Variants in TBC1D5 observed in about 807,000 individuals in gnomAD.
TBC1D5 encodes the protein TBC1 domain family, member 5.
A neutral mutation model predicts 100.3 loss-of-function variants in TBC1D5; 75 were observed. The ratio of observed to expected loss-of-function variants is 0.75; its 90% CI spans 0.62 to 0.91. The LOEUF (loss-of-function observed/expected upper bound fraction) is 0.91. Among genes scored for constraint, TBC1D5 ranks in the 40% least tolerant of loss-of-function variants. The pLI is 0.00. For synonymous variants in TBC1D5, 323 were observed against 325.6 expected (o/e 0.99, Z 0.09); for missense variants, 910 against 942.4 (o/e 0.97, Z 0.45).
intron 8 of TBC1D5, among the ~76,000 whole-genome samples, chr3:17,389,450 A>C (rs989101980): frequency 2.0e-5 from 3 of 152,136 alleles, no homozygotes; most frequent in African/African-American, 7.2e-5. Context: ...GTGGTGGTGG[A>C]ACACAGCTTC....
chr3:17,649,340 G>A (rs1046613682), intron 1 of TBC1D5, among the ~76,000 whole-genome samples: 2 of 151,976 alleles, frequency 1.3e-5, no homozygotes, highest in Non-Finnish European at 2.9e-5. Flanking sequence ...CTGAGATGAG[G>A]GAGACGAGCA....
At chr3:17,300,248 A>C (rs1039935805) in intron 14 of TBC1D5, among the ~76,000 whole-genome samples, 10 of 152,358 alleles carry the variant, frequency 6.6e-5, no homozygotes, top group Admixed American at 6.5e-5. Context: ...GTAGTCAGGA[A>C]GTGCTTAAAC....
intron 1 of TBC1D5, among the ~76,000 whole-genome samples, chr3:17,676,186 T>C (rs1312716455): frequency 6.6e-6 from 1 of 152,140 alleles, no homozygotes; most frequent in Non-Finnish European, 1.5e-5. Context: ...TGAAATAGGA[T>C]TAAAATAAGA....
intron 13 of TBC1D5, among the ~76,000 whole-genome samples, chr3:17,366,303 CA>C (rs1188688097): frequency 2.8e-5 from 4 of 144,450 alleles, no homozygotes; most frequent in Admixed American, 6.9e-5. Flanking sequence ...AACAAACAAA[CA>C]AAAAAAAACA....
At chr3:17,373,261 A>C (rs11708391) in intron 12 of TBC1D5, among the ~76,000 whole-genome samples, 77,242 of 151,968 alleles carry the variant, frequency 0.51, 21,358 homozygotes, top group African/African-American at 0.71. Flanking sequence ...ACATCGATTA[A>C]CTATTTCATT....
intron 15 of TBC1D5, among the ~76,000 whole-genome samples, chr3:17,282,460 G>C (rs1435825233): frequency 6.6e-6 from 1 of 152,150 alleles, no homozygotes; most frequent in Admixed American, 6.5e-5. Context: ...ATTATTCTTT[G>C]CTTACTGGGA....
chr3:17,336,289 G>GT (rs1358702660), intron 13 of TBC1D5, among the ~76,000 whole-genome samples: 1 of 152,050 alleles, frequency 6.6e-6, no homozygotes, highest in Non-Finnish European at 1.5e-5. Context: ...AGGGAAGAAT[G>GT]TAGAAACTGG....
chr3:17,372,700 A>G (rs1248983772), intron 12 of TBC1D5, among the ~76,000 whole-genome samples: 1 of 152,206 alleles, frequency 6.6e-6, no homozygotes, highest in African/African-American at 2.4e-5. Context: ...CAGTGTTTAA[A>G]TGTGTTCAAA....
intron 13 of TBC1D5, among the ~76,000 whole-genome samples, chr3:17,364,596 T>C (rs750497937): frequency 3.9e-5 from 6 of 152,218 alleles, no homozygotes; most frequent in Non-Finnish European, 7.4e-5. Context: ...TCATTTATTT[T>C]AGCTGCCTCT....
At chr3:17,230,397 G>A (rs2075312052) in intron 17 of TBC1D5, among the ~76,000 whole-genome samples, 1 of 151,892 alleles carries the variant, frequency 6.6e-6, no homozygotes, top group South Asian at 2.1e-4. Context: ...TTTTTCTCCT[G>A]GAAGAAATCA....
intron 4 of TBC1D5, among the ~76,000 whole-genome samples, chr3:17,424,733 A>C (rs539167223): frequency 6.6e-6 from 1 of 152,298 alleles, no homozygotes; most frequent in East Asian, 1.9e-4. Context: ...ATCTGAATCC[A>C]TGAAGCAAGA....
chr3:17,292,322 ATGTCTCC>A (rs1362764514), intron 14 of TBC1D5, among the ~76,000 whole-genome samples: 1 of 152,244 alleles, frequency 6.6e-6, no homozygotes, highest in Non-Finnish European at 1.5e-5. Flanking sequence ...CTATGTTTAA[ATGTCTCC>A]TGTTTTTCTA....
intron 16 of TBC1D5, among the ~76,000 whole-genome samples, chr3:17,244,220 T>A (rs780612036): frequency 6.6e-6 from 1 of 152,198 alleles, no homozygotes; most frequent in South Asian, 2.1e-4. Context: ...CACAGCCTAG[T>A]TCTAGTCCTG....
intron 1 of TBC1D5, among the ~76,000 whole-genome samples, chr3:17,702,779 C>A (rs2073394412): frequency 6.6e-6 from 1 of 152,038 alleles, no homozygotes; most frequent in Non-Finnish European, 1.5e-5. Flanking sequence ...GGTACTACCT[C>A]CAAGGGTAGA....
At chr3:17,652,996 G>C (rs2065722899) in intron 1 of TBC1D5, among the ~76,000 whole-genome samples, 1 of 152,160 alleles carries the variant, frequency 6.6e-6, no homozygotes, top group Admixed American at 6.5e-5. Context: ...ACTGACAAAT[G>C]CTAAGATACG....
At chr3:17,438,071 A>G (rs1330152403) in intron 3 of TBC1D5, among the ~76,000 whole-genome samples, 1 of 152,198 alleles carries the variant, frequency 6.6e-6, no homozygotes, top group Non-Finnish European at 1.5e-5. Flanking sequence ...TGCAGGCTCC[A>G]GATGTTAAGC....
At chr3:17,540,249 A>C (rs551254330) in intron 2 of TBC1D5, among the ~76,000 whole-genome samples, 1 of 152,354 alleles carries the variant, frequency 6.6e-6, no homozygotes, top group East Asian at 1.9e-4. Flanking sequence ...TTTCAGATAT[A>C]TAATTTGCAA....
At chr3:17,365,938 A>G (rs1290599394) in intron 13 of TBC1D5, among the ~76,000 whole-genome samples, 2 of 152,162 alleles carry the variant, frequency 1.3e-5, no homozygotes, top group African/African-American at 4.8e-5. Context: ...TCATTTCCTC[A>G]TCAACAAAAT....
chr3:17,497,457 C>G (rs148961333), intron 3 of TBC1D5, among the ~76,000 whole-genome samples: 1 of 152,312 alleles, frequency 6.6e-6, no homozygotes, highest in Non-Finnish European at 1.5e-5. Context: ...AACATCAGGT[C>G]TTTGGGCGGC....
Sources: allele counts gnomAD v4.1 joint callset (sites outside exome capture counted in the v4.1 genomes callset), GRCh38; gene constraint gnomAD v4.1.1; transcripts MANE v1.5; gene names NCBI Gene and HGNC (gene_info 2026-07-23, HGNC 2026-07-21).